The following MPRIP variants were observed in gnomAD, a reference collection of about 807,000 sequenced individuals.
The protein encoded by MPRIP is myosin phosphatase Rho-interacting protein.
In MPRIP, 59 loss-of-function variants were observed where a neutral mutation model predicts 234.9. The ratio of observed to expected loss-of-function variants is 0.25; its 90% CI spans 0.20 to 0.31. MPRIP has a LOEUF of 0.31. Ranked by LOEUF, MPRIP falls within the 10% of genes least tolerant of loss-of-function variation. The probability of loss-of-function intolerance (pLI) is 1.00; values close to 1 mark genes in which losing one functional copy is unlikely to be tolerated. For synonymous variants in MPRIP, 1,144 were observed against 1,263.9 expected (o/e 0.91, Z 2.01); for missense variants, 2,436 against 3,071.0 (o/e 0.79, Z 4.89).
rs773627476 is a variant in MPRIP at position 17,165,537 on chromosome 17, G to A, written c.3946G>A (p.Gly1316Ser). The change falls in exon 16 of 24, where the codon GGT (glycine) becomes AGT (serine). Residue 1316 changes from glycine (G) to serine (S), a missense_variant. Transcript: ENST00000651222. ...AGCCAAACTCGACCAAGGGGCACCT[G>A]GTGTTAAAAGGCAAAGAATCCGGTT... The part of the protein sequence containing the change: ...GTAKLDQGAP[G>S]VKRQRIRFST... 3 of 1,304,358 alleles carry A rather than the reference G, an allele frequency of 2.3e-6. No individual in the cohort carries two copies. Among genetic ancestry groups the A allele is most frequent in the African/African-American group, 1.5e-5 (1 of 65,874 alleles). The allele number at this position is 1,304,358 out of a possible 1,614,324, so 80.8% of individuals were successfully genotyped here.
rs772140630 is a variant in MPRIP at position 17,172,739 on chromosome 17, C to G, written c.6514C>G (p.Arg2172Gly). Residue 2172 changes from arginine to glycine, a missense_variant, in exon 18 of 24, where the codon CGG becomes GGG. Coordinates refer to ENST00000651222, the MANE Select transcript of MPRIP (RefSeq NM_001364716.4). The part of the protein sequence containing the change: ...MKNAHREEME[R>G]ELEKSQRSQI... ...GAACGCCCACCGGGAGGAAATGGAG[C>G]GGGAGCTGGAGAAGAGCCAGCGGTC... The G allele has an allele frequency of 1.2e-6, 2 of 1,611,828 alleles. No homozygotes were observed. Among genetic ancestry groups the G allele is most frequent in the African/African-American group, 2.7e-5 (2 of 74,888 alleles).
intron 3 of MPRIP, among the ~76,000 whole-genome samples, chr17:17,108,548 T>C (rs2090107280): frequency 6.6e-6 from 1 of 152,220 alleles, no homozygotes; most frequent in Non-Finnish European, 1.5e-5. Flanking sequence ...TCTTCCCAGG[T>C]GATTACATTA....
chr17:17,177,979 T>G (rs1248104287), intron 22 of MPRIP, among the ~76,000 whole-genome samples: 1 of 150,964 alleles, frequency 6.6e-6, no homozygotes, highest in African/African-American at 2.4e-5. Flanking sequence ...CAGGGTGGAA[T>G]GCAATGGCGT....
chr17:17,091,546 G>A (rs557564523), intron 3 of MPRIP, among the ~76,000 whole-genome samples: 88 of 152,344 alleles, frequency 5.8e-4, no homozygotes, highest in African/African-American at 1.7e-3. Context: ...CTGGGTGACT[G>A]GGGGCTGAAT....
intron 3 of MPRIP, among the ~76,000 whole-genome samples, chr17:17,105,226 G>C (rs2090040142): frequency 6.6e-6 from 1 of 152,202 alleles, no homozygotes; most frequent in Non-Finnish European, 1.5e-5. Context: ...CCACCCTCGT[G>C]GTGGGGCAGG....
At chr17:17,099,997 A>G (rs1644704646) in intron 3 of MPRIP, among the ~76,000 whole-genome samples, 1 of 152,222 alleles carries the variant, frequency 6.6e-6, no homozygotes, top group South Asian at 2.1e-4. Flanking sequence ...GTGGCAGGCA[A>G]GGGGACACTT....
chr17:17,058,456 C>CG (rs1238068958), intron 1 of MPRIP, among the ~76,000 whole-genome samples: 2 of 148,452 alleles, frequency 1.3e-5, no homozygotes, highest in Non-Finnish European at 3.0e-5. Flanking sequence ...AGTGGGGACC[C>CG]GGGGAGTGGA....
At chr17:17,144,645 CAA>C (rs1426216249) in intron 9 of MPRIP, among the ~76,000 whole-genome samples, 1 of 152,182 alleles carries the variant, frequency 6.6e-6, no homozygotes, top group African/African-American at 2.4e-5. Context: ...ATCACGAGGT[CAA>C]GAGATCGAGA....
At chr17:17,105,728 A>G (rs895926069) in intron 3 of MPRIP, among the ~76,000 whole-genome samples, 2 of 152,216 alleles carry the variant, frequency 1.3e-5, no homozygotes, top group African/African-American at 2.4e-5. Flanking sequence ...CTCCAGGACT[A>G]TGGGAAGGGG....
chr17:17,104,952 TGTG>T (rs1349362506), intron 3 of MPRIP, among the ~76,000 whole-genome samples: 1 of 152,182 alleles, frequency 6.6e-6, no homozygotes, highest in East Asian at 1.9e-4. Flanking sequence ...GTGGTTGGCA[TGTG>T]GTGGAGTTGA....
At chr17:17,176,374 T>A in intron 20 of MPRIP, 52 bp from the exon 21 acceptor site, 1 of 1,393,774 alleles carries the variant, frequency 7.2e-7, no homozygotes, top group Non-Finnish European at 1.0e-6. Context: ...GTGGAGACTC[T>A]GGAGGTTTCT....
chr17:17,070,674 G>A (rs1347612497), intron 1 of MPRIP, among the ~76,000 whole-genome samples: 3 of 152,156 alleles, frequency 2.0e-5, no homozygotes, highest in African/African-American at 7.2e-5. Context: ...TCTTGTTGAA[G>A]CATTTTATCA....
At chr17:17,150,371 C>A in intron 12 of MPRIP, 138 bp downstream of exon 12, 1 of 632,792 alleles carries the variant, frequency 1.6e-6, no homozygotes. Flanking sequence ...TTCCCACTAC[C>A]CTTGACACCT....
intron 8 of MPRIP, among the ~76,000 whole-genome samples, chr17:17,143,147 C>T (rs1435289187): frequency 6.6e-6 from 1 of 152,188 alleles, no homozygotes; most frequent in East Asian, 1.9e-4. Context: ...TCCTGGGCAC[C>T]CGCCTGCTGC....
chr17:17,117,464 T>C (rs2090308353), intron 3 of MPRIP, among the ~76,000 whole-genome samples: 1 of 152,272 alleles, frequency 6.6e-6, no homozygotes, highest in South Asian at 2.1e-4. Flanking sequence ...ACACAGTGTG[T>C]GTCCTTTTGT....
At chr17:17,113,415 C>T (rs2090213004) in intron 3 of MPRIP, among the ~76,000 whole-genome samples, 2 of 152,206 alleles carry the variant, frequency 1.3e-5, no homozygotes, top group African/African-American at 4.8e-5. Flanking sequence ...TTGTGACTGG[C>T]TTATTGCACT....
chr17:17,050,877 G>A (rs990402424), intron 1 of MPRIP, among the ~76,000 whole-genome samples: 4 of 152,234 alleles, frequency 2.6e-5, no homozygotes, highest in Non-Finnish European at 2.9e-5. Flanking sequence ...TAAACTGGAC[G>A]TGCAATGTTC....
Position 17,165,406 on chromosome 17 carries a change from C to T in MPRIP, c.3815C>T (p.Ala1272Val). The T allele has an allele frequency of 7.7e-7, 1 of 1,304,186 alleles. No individual in the cohort carries two copies. The highest frequency in any genetic ancestry group is 1.0e-6 in the Non-Finnish European group (1 of 988,958). The allele number at this position is 1,304,186 out of a possible 1,614,324, so 80.8% of individuals were successfully genotyped here. A position where few individuals can be genotyped will look rare whatever the true frequency, so the allele number is the denominator to read the frequency against. ...RLEDEDEDLG[A>V]PPGEEYGDGS... ...GAGGATGAGGACGAGGACCTGGGGG[C>T]TCCTCCGGGGGAAGAGTACGGTGAT... Residue 1272 changes from alanine (A) to valine (V), a missense_variant, in exon 16 of 24, where the codon GCT becomes GTT. Around this residue, in one of 4 missense-constraint regions of MPRIP, gnomAD observed 1,998 missense variants for 2,520.3 expected, o/e 0.79. Transcript: ENST00000651222.
chr17:17,137,973 G>A lies in MPRIP; in HGVS notation c.794G>A (p.Ser265Asn). ...TGTGGCCGCAAAGTCCGGGTGGAGA[G>A]CGGCTACTTCTCTCTGGAGAAGACC... is the stretch of plus-strand genomic sequence containing the variant. The part of the protein sequence containing the change: ...MDCGRKVRVE[S>N]GYFSLEKTKQ... Residue 265 changes from serine to asparagine, a missense_variant, in exon 7 of 24, where the codon AGC (serine) becomes AAC (asparagine). Around this residue, in one of 4 missense-constraint regions of MPRIP, gnomAD observed 267 missense variants for 252.7 expected, o/e 1.06. Coordinates refer to ENST00000651222, the MANE Select transcript of MPRIP (RefSeq NM_001364716.4). 6.2e-7 allele frequency: 1 copy of A among 1,613,012 alleles called. No individual in the cohort carries two copies. Among genetic ancestry groups the A allele is most frequent in the Non-Finnish European group, 8.5e-7 (1 of 1,179,694 alleles).
Sources: allele counts gnomAD v4.1 joint callset (sites outside exome capture counted in the v4.1 genomes callset), GRCh38; gene constraint gnomAD v4.1.1; regional missense constraint gnomAD v4.1.1; transcripts MANE v1.5; gene names NCBI Gene and HGNC (gene_info 2026-07-23, HGNC 2026-07-21).